The following EEF1D variants were observed in gnomAD, a reference collection of about 807,000 sequenced individuals.
EEF1D encodes the protein eukaryotic translation elongation factor 1 delta, also known as elongation factor 1-delta.
In EEF1D, 47 loss-of-function variants were observed where a neutral mutation model predicts 63.9. That is an observed-to-expected ratio of 0.74 (90% CI 0.58 to 0.94). The LOEUF (loss-of-function observed/expected upper bound fraction) is 0.94, where lower values mean the gene tolerates loss of function less well. EEF1D is among the 40% of genes least tolerant of loss of function. The pLI is 0.00. For missense variants in EEF1D, 907 were observed against 899.0 expected, an observed-to-expected ratio of 1.01 and a Z score of -0.11; for synonymous variants, 412 against 386.1, an observed-to-expected ratio of 1.07 and a Z score of -0.79.
intron 1 of EEF1D, among the ~76,000 whole-genome samples, chr8:143,594,791 C>T (rs914111761): frequency 2.0e-5 from 3 of 152,332 alleles, no homozygotes; most frequent in Middle Eastern, 3.4e-3. Flanking sequence ...GCCCAAAGGG[C>T]GCGACGACTA....
At chr8:143,580,931 C>G in intron 7 of EEF1D, 123 bp downstream of exon 7, 1 of 1,240,648 alleles carries the variant, frequency 8.1e-7, no homozygotes, top group Non-Finnish European at 1.1e-6. Flanking sequence ...TCCTGGGGAC[C>G]TGAGGACTCC....
In EEF1D at chr8:143,586,233, T is replaced by C; in HGVS notation, c.1273A>G (p.Lys425Glu). 1.9e-6 allele frequency: 3 copies of C among 1,609,822 alleles called. No homozygotes were observed. The highest frequency in any genetic ancestry group is 1.7e-6 in the Non-Finnish European group (2 of 1,178,918). The change falls in exon 5 of 10, where the codon AAA becomes GAA. Residue 425 changes from lysine (K) to glutamate (E), a missense_variant. Transcript: ENST00000618139. ...CGGGTACTCACTCCAGCCAGGGATT[T>C]CTGGATGTTCTCTCTGGCTCTCGCA... ...DIARARENIQ[K>E]SLAGSSGPGA...
intron 1 of EEF1D, chr8:143,593,798 C>T (rs940972134): frequency 1.3e-5 from 12 of 950,336 alleles, no homozygotes; most frequent in Admixed American, 1.2e-4. Context: ...CCTCCCAGGA[C>T]AGCCAGCACA....
chr8:143,592,640 T>C lies in EEF1D; in HGVS notation c.-1+7A>G, dbSNP rs778195010. 14 of 985,434 alleles carry C rather than the reference T, an allele frequency of 1.4e-5. No homozygotes were observed. Among genetic ancestry groups the C allele is most frequent in the Non-Finnish European group, 1.7e-5 (14 of 829,980 alleles). The allele number at this position is 985,434 out of a possible 1,614,324, so 61.0% of individuals were successfully genotyped here. A position where few individuals can be genotyped will look rare whatever the true frequency, so the allele number is the denominator to read the frequency against. ...GGAATGGGGCATGAGGACAGGCGAG[T>C]ACTTACTTTGCTTTGGCCTCCTAGG... On this transcript the variant is annotated splice_region_variant and intron_variant, in intron 2 of 9. Coordinates refer to ENST00000618139, the MANE Select transcript of EEF1D (RefSeq NM_001130053.5).
Position 143,586,306 on chromosome 8 carries a change from A to C in EEF1D, c.1216-16T>G. 6.5e-7 allele frequency: 1 copy of C among 1,541,006 alleles called. No homozygotes were observed. Among genetic ancestry groups the C allele is most frequent in the Non-Finnish European group, 8.7e-7 (1 of 1,149,138 alleles). On this transcript the variant is annotated splice_polypyrimidine_tract_variant and intron_variant, in intron 4 of 9. Coordinates refer to ENST00000618139, the MANE Select transcript of EEF1D (RefSeq NM_001130053.5). ...CGCCGTTCTCCTGCAGACAGTGCAG[A>C]AAGAACCAGTCTTTTTTTTATTATT...
intron 3 of EEF1D, 50 bp downstream of exon 3, chr8:143,588,941 C>T (rs1188468201): frequency 2.6e-6 from 4 of 1,553,078 alleles, no homozygotes; most frequent in Non-Finnish European, 3.5e-6. Context: ...GGATGGCTGT[C>T]CCTGTGCCCA....
intron 1 of EEF1D, among the ~76,000 whole-genome samples, chr8:143,595,617 A>G (rs1167217082): frequency 2.0e-5 from 3 of 152,190 alleles, no homozygotes; most frequent in East Asian, 1.9e-4. Flanking sequence ...CCTGTCCTGC[A>G]TATCTCAGAG....
chr8:143,586,926 AG>A, intron 3 of EEF1D, 74 bp from the exon 4 acceptor site: 1 of 1,585,206 alleles, frequency 6.3e-7, no homozygotes. Flanking sequence ...AGAAGCACCA[AG>A]GTGCAGTGGG....
intron 2 of EEF1D, chr8:143,590,531 TC>T: frequency 8.5e-7 from 1 of 1,182,624 alleles, no homozygotes; most frequent in Non-Finnish European, 1.0e-6. Context: ...TGGCTGGTGT[TC>T]CCATTCTACA....
chr8:143,590,307 A>G (rs1827730256), intron 2 of EEF1D: 2 of 705,384 alleles, frequency 2.8e-6, no homozygotes, highest in African/African-American at 3.5e-5. Context: ...GGCCGGGCGC[A>G]GTGGCTCATG....
intron 3 of EEF1D, 101 bp downstream of exon 3, chr8:143,588,890 C>T (rs1827243529): frequency 1.4e-6 from 2 of 1,452,660 alleles, no homozygotes; most frequent in Non-Finnish European, 1.8e-6. Flanking sequence ...GAGCCCCCAC[C>T]CCAGGTGGGC....
intron 3 of EEF1D, among the ~76,000 whole-genome samples, chr8:143,588,283 C>G (rs1789865027): frequency 6.6e-6 from 1 of 152,206 alleles, no homozygotes. Flanking sequence ...CACCAGGACA[C>G]CCTCGCCAAC....
At position 143,586,812 on chromosome 8, in the gene EEF1D, A is replaced by G. The variant is rs1191786209; in HGVS notation, c.1132T>C (p.Trp378Arg). The G allele has an allele frequency of 6.2e-7, 1 of 1,614,050 alleles. No homozygotes were observed. Among genetic ancestry groups the G allele is most frequent in the East Asian group, 2.2e-5 (1 of 44,900 alleles). Reference protein sequence around the residue: ...ATNFLAHEKIWFDKFKYDDAE... With the variant: ...ATNFLAHEKIRFDKFKYDDAE... ...TCGTCATATTTGAACTTGTCGAACC[A>G]GATCTTCTCATGTGCTAGGAAGTTT... The change falls in exon 4 of 10, where the codon TGG becomes CGG. Residue 378 changes from tryptophan (W) to arginine (R), a missense_variant. Transcript: ENST00000618139.
intron 5 of EEF1D, 48 bp downstream of exon 5, chr8:143,586,171 T>C (rs932821643): frequency 1.3e-6 from 2 of 1,564,288 alleles, no homozygotes; most frequent in African/African-American, 1.4e-5. Flanking sequence ...TCAGACATGC[T>C]GCTTGGCCGA....
chr8:143,590,047 G>A lies in EEF1D; in HGVS notation c.35C>T (p.Thr12Ile), dbSNP rs773364490. Residue 12 changes from threonine (T) to isoleucine (I), a missense_variant, in exon 3 of 10, where the codon ACC becomes ATC. By Grantham distance (89) the Thr-to-Ile change is moderately conservative. Coordinates refer to ENST00000618139, the MANE Select transcript of EEF1D (RefSeq NM_001130053.5). The part of the protein sequence containing the change: ...RSGKASCTLE[T>I]VWEDKHKYEE... ...ATACTTGTGCTTGTCTTCCCACACG[G>A]TCTCCAGGGTGCAGGAGGCCTTCCC... 4 of 1,598,874 alleles carry A rather than the reference G, an allele frequency of 2.5e-6. No individual in the cohort carries two copies. Among genetic ancestry groups the A allele is most frequent in the Non-Finnish European group, 3.4e-6 (4 of 1,179,864 alleles).
At chr8:143,585,103 A>C (rs987403773) in intron 5 of EEF1D, among the ~76,000 whole-genome samples, 1 of 151,998 alleles carries the variant, frequency 6.6e-6, no homozygotes, top group Non-Finnish European at 1.5e-5. Context: ...GACAATGAGA[A>C]TCTCCGGCGC....
intron 2 of EEF1D, chr8:143,590,419 T>G (rs1373900946): frequency 3.1e-6 from 2 of 644,932 alleles, no homozygotes; most frequent in African/African-American, 3.7e-5. Context: ...TGAGACATAC[T>G]TACACTAAAA....
chr8:143,586,716 G>T lies in EEF1D; in HGVS notation c.1215+13C>A, dbSNP rs200542436. The T allele has an allele frequency of 2.1e-4, 343 of 1,611,676 alleles. No individual in the cohort carries two copies. The African/African-American group carries it at 4.2e-3, about 20-fold the overall frequency. ...CAGCAGAGCCGCCCAGCCGCCCCAC[G>T]TGCAGCTCTCACCTGGCGGGAGGCA... On this transcript the variant is annotated intron_variant, in intron 4 of 9. Transcript: ENST00000618139.
chr8:143,591,089 C>T (rs1346955590), intron 2 of EEF1D, among the ~76,000 whole-genome samples: 1 of 152,226 alleles, frequency 6.6e-6, no homozygotes, highest in Non-Finnish European at 1.5e-5. Flanking sequence ...CTATCAGCTG[C>T]CCCCGCCTCC....
Sources: allele counts gnomAD v4.1 joint callset (sites outside exome capture counted in the v4.1 genomes callset), GRCh38; gene constraint gnomAD v4.1.1; transcripts MANE v1.5; gene names NCBI Gene and HGNC (gene_info 2026-07-23, HGNC 2026-07-21).